NALF1: variants seen among roughly 807,000 people sequenced by gnomAD.
NALF1 encodes the protein family with sequence similarity 155 member A.
Under a neutral mutation model 48.4 loss-of-function variants are expected in NALF1, and 3 were observed. The observed-to-expected ratio is 0.06, with a 90% CI of 0.03 to 0.16. NALF1 has a LOEUF of 0.16. Ranked by LOEUF, NALF1 falls within the 10% of genes least tolerant of loss-of-function variation. The pLI is 1.00. For missense variants in NALF1, 526 were observed against 571.5 expected, an observed-to-expected ratio of 0.92 and a Z score of 0.81; for synonymous variants, 262 against 245.7, an observed-to-expected ratio of 1.07 and a Z score of -0.62.
intron 1 of NALF1, among the ~76,000 whole-genome samples, chr13:107,412,537 TACC>T (rs975090212): frequency 1.3e-5 from 2 of 152,162 alleles, no homozygotes; most frequent in East Asian, 1.9e-4. Flanking sequence ...TCTTCACCAG[TACC>T]ACATGTTTTC....
intron 1 of NALF1, among the ~76,000 whole-genome samples, chr13:107,517,446 T>C (rs1267143198): frequency 6.6e-6 from 1 of 151,318 alleles, no homozygotes; most frequent in Non-Finnish European, 1.5e-5. Context: ...CTGGCTAACA[T>C]GGTGAAACCC....
intron 1 of NALF1, among the ~76,000 whole-genome samples, chr13:107,213,822 T>C (rs558477221): frequency 1.1e-4 from 17 of 152,356 alleles, no homozygotes; most frequent in African/African-American, 4.1e-4. Context: ...AACTGTGTTA[T>C]GTGAAGAACG....
At chr13:107,641,578 G>C (rs1880157768) in intron 1 of NALF1, among the ~76,000 whole-genome samples, 1 of 152,052 alleles carries the variant, frequency 6.6e-6, no homozygotes, top group African/African-American at 2.4e-5. Flanking sequence ...AACAAATAGA[G>C]ATTTGGAGAT....
In NALF1 at chr13:107,819,726, GTCTC is replaced by G. The variant is rs141973692; in HGVS notation, c.915+45952_915+45955del. ...CTCTCTCTCTCTCTCTCTGGAAACTGTCTCTCTCTCTCTCTCTCTCTGGAAACTC... is the reference window on the plus strand; with the variant it reads ...CTCTCTCTCTCTCTCTCTGGAAACTGTCTCTCTCTCTCTCTCTGGAAACTC... On this transcript the variant is annotated intron_variant, in intron 1 of 2. Transcript: ENST00000375915. 6.0e-3 allele frequency among the ~76,000 whole-genome samples: 726 copies of G among 121,566 alleles called. 7 individuals are homozygous for G. Among genetic ancestry groups the G allele is most frequent in the African/African-American group, 0.02 (675 of 33,614 alleles). 79.8% of individuals were successfully genotyped at this position (121,566 alleles called of 152,430 possible).
chr13:107,198,215 C>T (rs1024596727), intron 2 of NALF1, among the ~76,000 whole-genome samples: 11 of 152,142 alleles, frequency 7.2e-5, no homozygotes, highest in Non-Finnish European at 1.2e-4. Context: ...GAAAAATTCC[C>T]TAACTGCAGT....
Position 107,205,656 on chromosome 13 carries a change from A to G in NALF1, c.1087+4928T>C, listed in dbSNP as rs1452385033. 1.3e-5 allele frequency among the ~76,000 whole-genome samples: 2 copies of G among 152,210 alleles called. 1 individual carries two copies. The highest frequency in any genetic ancestry group is 4.1e-4 in the South Asian group (2 of 4,836). On this transcript the variant is annotated intron_variant, in intron 2 of 2. Transcript: ENST00000375915. ...AAATGGAATGCAGAATTTACATAGA[A>G]TTCTTAAAATATGTTTTATCTCCAT... is the stretch of plus-strand genomic sequence containing the variant.
At chr13:107,857,260 C>G (rs1053166836) in intron 1 of NALF1, among the ~76,000 whole-genome samples, 2 of 152,180 alleles carry the variant, frequency 1.3e-5, no homozygotes, top group Non-Finnish European at 2.9e-5. Flanking sequence ...AATAAAAATA[C>G]TAACTATGGC....
chr13:107,528,345 T>C (rs192351806), intron 1 of NALF1, among the ~76,000 whole-genome samples: 1,829 of 152,272 alleles, frequency 0.012, 16 homozygotes, highest in Non-Finnish European at 0.018. Flanking sequence ...AACAAAAGCC[T>C]ATATAAATAT....
chr13:107,815,973 G>C (rs1042464369), intron 1 of NALF1, among the ~76,000 whole-genome samples: 5 of 152,274 alleles, frequency 3.3e-5, no homozygotes, highest in African/African-American at 1.2e-4. Flanking sequence ...CCTAGGATTG[G>C]GGGTATTAAA....
intron 1 of NALF1, among the ~76,000 whole-genome samples, chr13:107,805,821 T>C (rs1431341089): frequency 1.3e-5 from 2 of 152,140 alleles, no homozygotes; most frequent in Non-Finnish European, 2.9e-5. Flanking sequence ...CTCACTAGTG[T>C]TGGTGCTGGC....
intron 1 of NALF1, among the ~76,000 whole-genome samples, chr13:107,550,918 T>C (rs1165350874): frequency 6.6e-6 from 1 of 152,030 alleles, no homozygotes; most frequent in Non-Finnish European, 1.5e-5. Context: ...AAAAAACTTA[T>C]TGTTTGTGCT....
chr13:107,256,999 C>T (rs1052475059), intron 1 of NALF1, among the ~76,000 whole-genome samples: 1 of 152,122 alleles, frequency 6.6e-6, no homozygotes, highest in Non-Finnish European at 1.5e-5. Context: ...TTAATTGACT[C>T]ACCATTCCAC....
chr13:107,738,740 C>T (rs1876535852), intron 1 of NALF1, among the ~76,000 whole-genome samples: 1 of 148,082 alleles, frequency 6.8e-6, no homozygotes, highest in Non-Finnish European at 1.5e-5. Flanking sequence ...GATCTCGGCT[C>T]ACTGCAACCT....
At chr13:107,846,777 T>C (rs1008681401) in intron 1 of NALF1, among the ~76,000 whole-genome samples, 1 of 152,214 alleles carries the variant, frequency 6.6e-6, no homozygotes, top group Non-Finnish European at 1.5e-5. Flanking sequence ...TTATTTCAAA[T>C]CCCATTGCTG....
intron 1 of NALF1, among the ~76,000 whole-genome samples, chr13:107,729,622 G>A (rs533688916): frequency 3.7e-4 from 56 of 151,904 alleles, no homozygotes; most frequent in Middle Eastern, 3.5e-3. Flanking sequence ...GATTACAGGC[G>A]CCCACCACCA....
At chr13:107,455,458 C>T (rs1171245332) in intron 1 of NALF1, among the ~76,000 whole-genome samples, 1 of 152,146 alleles carries the variant, frequency 6.6e-6, no homozygotes, top group Non-Finnish European at 1.5e-5. Flanking sequence ...CACCCATGTA[C>T]AACCACCCTG....
intron 1 of NALF1, among the ~76,000 whole-genome samples, chr13:107,326,219 C>G (rs897370811): frequency 6.6e-6 from 1 of 151,894 alleles, no homozygotes; most frequent in Non-Finnish European, 1.5e-5. Context: ...TAGCATCAGT[C>G]ACATCTTAGT....
chr13:107,787,992 T>G (rs550479824), intron 1 of NALF1, among the ~76,000 whole-genome samples: 2 of 152,180 alleles, frequency 1.3e-5, no homozygotes, highest in African/African-American at 2.4e-5. Context: ...AATTGTCCCT[T>G]GAATCTCTCA....
At chr13:107,453,414 G>A (rs1333359920) in intron 1 of NALF1, among the ~76,000 whole-genome samples, 1 of 152,200 alleles carries the variant, frequency 6.6e-6, no homozygotes, top group Non-Finnish European at 1.5e-5. Context: ...CAAGGCATGA[G>A]GTTTACAACC....
Sources: allele counts gnomAD v4.1 joint callset (sites outside exome capture counted in the v4.1 genomes callset), GRCh38; gene constraint gnomAD v4.1.1; transcripts MANE v1.5; gene names NCBI Gene and HGNC (gene_info 2026-07-23, HGNC 2026-07-21).